Variants in SCRN1 observed in about 807,000 individuals in gnomAD.
SCRN1 encodes secernin-1.
A neutral mutation model predicts 43.3 loss-of-function variants in SCRN1; 19 were observed. The observed-to-expected ratio is 0.44, with a 90% CI of 0.31 to 0.64. The LOEUF (loss-of-function observed/expected upper bound fraction) is 0.64, where lower values mean the gene tolerates loss of function less well. Among genes scored for constraint, SCRN1 ranks in the 30% least tolerant of loss-of-function variants. The probability of loss-of-function intolerance (pLI) is 0.09; values close to 1 mark genes in which losing one functional copy is unlikely to be tolerated. For synonymous variants in SCRN1, 183 were observed against 188.9 expected, an observed-to-expected ratio of 0.97 and a Z score of 0.26; for missense variants, 447 against 524.1, an observed-to-expected ratio of 0.85 and a Z score of 1.44.
intron 1 of SCRN1, among the ~76,000 whole-genome samples, chr7:29,986,217 C>T (rs939083191): frequency 3.9e-5 from 6 of 152,190 alleles, no homozygotes; most frequent in Admixed American, 2.0e-4. Context: ...GCCTGGGTGA[C>T]GGAGGGAGGC....
chr7:29,982,346 C>T (rs1419281810), intron 1 of SCRN1, among the ~76,000 whole-genome samples: 3 of 152,016 alleles, frequency 2.0e-5, no homozygotes, highest in Non-Finnish European at 2.9e-5. Flanking sequence ...CCATCACACA[C>T]GTATTATGTC....
upstream of SCRN1, chr7:29,989,945 T>G: frequency 6.7e-6 from 8 of 1,200,100 alleles, no homozygotes; most frequent in East Asian, 2.1e-4. Flanking sequence ...CTGCTCACCG[T>G]CGAGTAGGGA....
At chr7:29,929,440 G>GGGAGCA (rs1787084988) in intron 6 of SCRN1, among the ~76,000 whole-genome samples, 1 of 152,260 alleles carries the variant, frequency 6.6e-6, no homozygotes, top group African/African-American at 2.4e-5. Flanking sequence ...AAACCCAAGT[G>GGGAGCA]GGAGCAGTAT....
chr7:29,982,230 T>C (rs1789011122), intron 1 of SCRN1, among the ~76,000 whole-genome samples: 2 of 152,230 alleles, frequency 1.3e-5, no homozygotes, highest in African/African-American at 4.8e-5. Context: ...TCATAACATC[T>C]AAAATTGTAT....
intron 2 of SCRN1, among the ~76,000 whole-genome samples, chr7:29,963,534 G>C (rs757807570): frequency 6.6e-6 from 1 of 152,216 alleles, no homozygotes; most frequent in Non-Finnish European, 1.5e-5. Flanking sequence ...CAAGCTGAGA[G>C]GGCAGAGCTA....
chr7:29,976,980 T>A (rs989942414), intron 1 of SCRN1, among the ~76,000 whole-genome samples: 1 of 152,200 alleles, frequency 6.6e-6, no homozygotes, highest in Non-Finnish European at 1.5e-5. Context: ...AGTGAGTAGT[T>A]ATTGAAGGCG....
intron 2 of SCRN1, among the ~76,000 whole-genome samples, chr7:29,963,588 C>T (rs996059927): frequency 6.6e-6 from 1 of 152,166 alleles, no homozygotes; most frequent in African/African-American, 2.4e-5. Context: ...ATAACCCTTA[C>T]GGAGGTCAAT....
In SCRN1 at chr7:29,955,260, C is replaced by T. The variant is rs776596794; in HGVS notation, c.260G>A (p.Gly87Glu). Residue 87 changes from glycine to glutamate, a missense_variant, in exon 3 of 8, where the codon GGA (glycine) becomes GAA (glutamate). Gly to Glu is a moderately conservative substitution (Grantham distance 98). Transcript: ENST00000242059. ...WGAEMGANEH[G>E]VCIANEAINT... ...GATGGCTTCATTGGCTATGCACACT[C>T]CATGTTCATTGGCTCCCATTTCTGC... 1.2e-6 allele frequency: 2 copies of T among 1,614,148 alleles called. No individual in the cohort carries two copies. Among genetic ancestry groups the T allele is most frequent in the South Asian group, 1.1e-5 (1 of 91,082 alleles).
At chr7:29,973,428 A>AT (rs1172700319) in intron 1 of SCRN1, among the ~76,000 whole-genome samples, 1 of 152,218 alleles carries the variant, frequency 6.6e-6, no homozygotes, top group African/African-American at 2.4e-5. Flanking sequence ...AGACAGGTGA[A>AT]TGGAGGGAGA....
chr7:29,944,972 A>G (rs1282074770), intron 3 of SCRN1, among the ~76,000 whole-genome samples: 1 of 152,152 alleles, frequency 6.6e-6, no homozygotes, highest in Non-Finnish European at 1.5e-5. Context: ...CTTACTTATT[A>G]AAAGTGTTCA....
Position 29,926,535 on chromosome 7 carries a change from GCTC to G in SCRN1, c.1000_1002del (p.Glu334del), listed in dbSNP as rs757076118. ...CGGTCTGGTTTCTCCTGGAACCGAG[GCTC>G]CTTTTTGGCAGGGTCGTCATCCCCA... On this transcript the variant is annotated inframe_deletion, in exon 7 of 8. Coordinates refer to ENST00000242059, the MANE Select transcript of SCRN1 (RefSeq NM_014766.5). 1.9e-6 allele frequency: 3 copies of G among 1,614,054 alleles called. No homozygotes were observed. Among genetic ancestry groups the G allele is most frequent in the African/African-American group, 2.7e-5 (2 of 74,926 alleles).
chr7:29,929,629 G>A (rs756725406), intron 6 of SCRN1, among the ~76,000 whole-genome samples: 6 of 152,262 alleles, frequency 3.9e-5, no homozygotes, highest in Non-Finnish European at 8.8e-5. Flanking sequence ...AGGGAACTGG[G>A]CTGGGACTTG....
At chr7:29,990,167 A>G, upstream of SCRN1, 1 of 1,551,438 alleles carries the variant, frequency 6.4e-7, no homozygotes, top group Non-Finnish European at 8.7e-7. Flanking sequence ...CCCCGGAGAG[A>G]AATGTGTCCT....
intron 6 of SCRN1, among the ~76,000 whole-genome samples, chr7:29,931,583 C>A (rs1023957070): frequency 6.6e-6 from 1 of 152,188 alleles, no homozygotes; most frequent in African/African-American, 2.4e-5. Flanking sequence ...TATACTGCTG[C>A]AGAAAAATAA....
At chr7:29,940,398 C>T (rs1787498273) in intron 5 of SCRN1, among the ~76,000 whole-genome samples, 2 of 152,038 alleles carry the variant, frequency 1.3e-5, no homozygotes, top group African/African-American at 4.8e-5. Flanking sequence ...ATGAGGATGG[C>T]TGCAGTAAGC....
At chr7:29,974,688 T>C (rs1248873499) in intron 1 of SCRN1, among the ~76,000 whole-genome samples, 1 of 148,812 alleles carries the variant, frequency 6.7e-6, no homozygotes, top group Non-Finnish European at 1.5e-5. Context: ...TTTCTTTCTT[T>C]TTTTTTTTTT....
chr7:29,961,759 G>A (rs537368310), intron 2 of SCRN1, among the ~76,000 whole-genome samples: 10 of 146,214 alleles, frequency 6.8e-5, no homozygotes, highest in African/African-American at 2.0e-4. Context: ...CGGATGGGGC[G>A]GCTGGCCGGG....
chr7:29,926,410 C>CCCGCCT (rs759570581), intron 7 of SCRN1, 42 bp downstream of exon 7: 21 of 1,597,202 alleles, frequency 1.3e-5, no homozygotes, highest in Admixed American at 3.4e-5. Context: ...ACCTCGCCCG[C>CCCGCCT]CCGCCTCCGC....
At chr7:29,957,082 A>T (rs1038030589) in intron 2 of SCRN1, among the ~76,000 whole-genome samples, 1 of 152,240 alleles carries the variant, frequency 6.6e-6, no homozygotes, top group Non-Finnish European at 1.5e-5. Context: ...TTAAGCACAG[A>T]TTTATCATAC....
Sources: allele counts gnomAD v4.1 joint callset (sites outside exome capture counted in the v4.1 genomes callset), GRCh38; gene constraint gnomAD v4.1.1; transcripts MANE v1.5; gene names NCBI Gene and HGNC (gene_info 2026-07-23, HGNC 2026-07-21).